ZFHX3: variants seen among roughly 807,000 people sequenced by gnomAD.
ZFHX3 encodes the protein zinc finger homeobox protein 3.
A neutral mutation model predicts 279.1 loss-of-function variants in ZFHX3; 42 were observed. The ratio of observed to expected loss-of-function variants is 0.15; its 90% CI spans 0.12 to 0.19. ZFHX3 has a LOEUF of 0.19. Among genes scored for constraint, ZFHX3 ranks in the 10% least tolerant of loss-of-function variants. ZFHX3 has a pLI of 1.00. For missense variants in ZFHX3, 4,981 were observed against 4,754.0 expected (o/e 1.05, Z -1.40); for synonymous variants, 2,293 against 1,957.8 (o/e 1.17, Z -4.52).
At chr16:73,855,650 T>A (rs1961708718) in intron 1 of ZFHX3, among the ~76,000 whole-genome samples, 1 of 152,204 alleles carries the variant, frequency 6.6e-6, no homozygotes, top group African/African-American at 2.4e-5. Context: ...GATTTAGTCA[T>A]CTCTGGAAAA....
At chr16:73,798,309 A>C in intron 1 of ZFHX3, among the ~76,000 whole-genome samples, 1 of 151,844 alleles carries the variant, frequency 6.6e-6, no homozygotes, top group East Asian at 1.9e-4. Flanking sequence ...TAGGGAAGAT[A>C]TTCTTGGAGA....
intron 2 of ZFHX3, among the ~76,000 whole-genome samples, chr16:73,644,180 C>A (rs1378807297): frequency 1.3e-5 from 2 of 152,128 alleles, no homozygotes; most frequent in Non-Finnish European, 2.9e-5. Flanking sequence ...TATACCCATT[C>A]TCTCTTGGTT....
chr16:73,084,300 A>AGAAG (rs1965983600), intron 8 of ZFHX3, among the ~76,000 whole-genome samples: 1 of 152,222 alleles, frequency 6.6e-6, no homozygotes, highest in African/African-American at 2.4e-5. Flanking sequence ...AAGAAGTCAA[A>AGAAG]TTATTACTGT....
intron 3 of ZFHX3, among the ~76,000 whole-genome samples, chr16:72,947,328 C>T (rs1960733304): frequency 6.6e-6 from 1 of 152,220 alleles, no homozygotes; most frequent in African/African-American, 2.4e-5. Context: ...GCAACGAAGA[C>T]AATATCATCA....
intron 2 of ZFHX3, among the ~76,000 whole-genome samples, chr16:73,480,176 T>C (rs1330086610): frequency 6.6e-6 from 1 of 152,102 alleles, no homozygotes; most frequent in Non-Finnish European, 1.5e-5. Flanking sequence ...TTTTTTTTTT[T>C]CCTTCAGCAT....
intron 1 of ZFHX3, among the ~76,000 whole-genome samples, chr16:73,793,419 A>T (rs1492566): frequency 0.35 from 52,723 of 152,166 alleles, 10,350 homozygotes; most frequent in South Asian, 0.54. Context: ...TCCTTGGCAA[A>T]CATCATCATT....
chr16:73,673,172 C>T (rs1207077371), intron 2 of ZFHX3, among the ~76,000 whole-genome samples: 1 of 152,034 alleles, frequency 6.6e-6, no homozygotes, highest in Non-Finnish European at 1.5e-5. Context: ...AGTGAACACA[C>T]AGTATTCAAA....
chr16:73,476,390 A>T (rs1364541043), intron 2 of ZFHX3, among the ~76,000 whole-genome samples: 1 of 152,194 alleles, frequency 6.6e-6, no homozygotes, highest in Admixed American at 6.5e-5. Flanking sequence ...AGGTTGATTT[A>T]CAAAGAAACT....
chr16:73,602,481 C>T (rs186780950), intron 2 of ZFHX3, among the ~76,000 whole-genome samples: 4 of 152,094 alleles, frequency 2.6e-5, no homozygotes, highest in Admixed American at 2.6e-4. Flanking sequence ...CCAAGCAAGG[C>T]CTTTATCCTG....
chr16:73,001,111 T>G (rs2144595845), intron 1 of ZFHX3, among the ~76,000 whole-genome samples: 1 of 152,358 alleles, frequency 6.6e-6, no homozygotes, highest in East Asian at 1.9e-4. Context: ...ACACCACTTC[T>G]GAGATGAGGC....
chr16:73,418,234 G>C (rs1035454443), intron 3 of ZFHX3, among the ~76,000 whole-genome samples: 1 of 152,240 alleles, frequency 6.6e-6, no homozygotes, highest in Non-Finnish European at 1.5e-5. Context: ...AAGCCCCAGG[G>C]CGTGGAAGGG....
chr16:73,220,177 G>T (rs577596192), intron 5 of ZFHX3, among the ~76,000 whole-genome samples: 1 of 152,048 alleles, frequency 6.6e-6, no homozygotes, highest in Non-Finnish European at 1.5e-5. Flanking sequence ...AACAATAGAC[G>T]CTGGGGACTA....
intron 1 of ZFHX3, among the ~76,000 whole-genome samples, chr16:73,859,170 T>G (rs1456018203): frequency 6.6e-6 from 1 of 152,220 alleles, no homozygotes; most frequent in Non-Finnish European, 1.5e-5. Context: ...AGTTGAGGAC[T>G]GATGTCCCCA....
intron 3 of ZFHX3, among the ~76,000 whole-genome samples, chr16:73,424,714 A>G (rs2017779301): frequency 7.4e-6 from 1 of 134,716 alleles, no homozygotes; most frequent in Non-Finnish European, 1.5e-5. Context: ...TGATTGCGCC[A>G]CTGCACTTGA....
At chr16:72,907,227 C>A (rs1468868657) in intron 3 of ZFHX3, among the ~76,000 whole-genome samples, 1 of 152,118 alleles carries the variant, frequency 6.6e-6, no homozygotes, top group Non-Finnish European at 1.5e-5. Flanking sequence ...TCTATAATAG[C>A]ATAAGGCCAG....
At chr16:73,722,699 A>C (rs1055955171) in intron 1 of ZFHX3, among the ~76,000 whole-genome samples, 10 of 152,202 alleles carry the variant, frequency 6.6e-5, no homozygotes, top group Admixed American at 5.2e-4. Flanking sequence ...ACATTTAATG[A>C]AACTGCCTCC....
At chr16:73,284,617 A>G (rs2014547318) in intron 4 of ZFHX3, among the ~76,000 whole-genome samples, 1 of 152,130 alleles carries the variant, frequency 6.6e-6, no homozygotes, top group African/African-American at 2.4e-5. Context: ...TTACGAGAAT[A>G]TCATGAAAAC....
At chr16:73,711,216 GT>G (rs2053359631) in intron 1 of ZFHX3, among the ~76,000 whole-genome samples, 1 of 151,856 alleles carries the variant, frequency 6.6e-6, no homozygotes, top group African/African-American at 2.4e-5. Flanking sequence ...GATATTTCAA[GT>G]CCCCACACAC....
intron 7 of ZFHX3, among the ~76,000 whole-genome samples, chr16:72,806,580 G>C (rs2036273865): frequency 6.6e-6 from 1 of 152,240 alleles, no homozygotes; most frequent in African/African-American, 2.4e-5. Context: ...CAAAGTGAGA[G>C]AGCTGGTACC....
Sources: allele counts gnomAD v4.1 joint callset (sites outside exome capture counted in the v4.1 genomes callset), GRCh38; gene constraint gnomAD v4.1.1; transcripts MANE v1.5; gene names NCBI Gene and HGNC (gene_info 2026-07-23, HGNC 2026-07-21).